Variants in PLCL2 observed in about 807,000 individuals in gnomAD.
PLCL2 encodes inactive phospholipase C-like protein 2.
In PLCL2, 4 loss-of-function variants were observed where a neutral mutation model predicts 79.6. That is an observed-to-expected ratio of 0.05 (90% confidence interval 0.02 to 0.11). The LOEUF (loss-of-function observed/expected upper bound fraction) is 0.11, where lower values mean the gene tolerates loss of function less well. Ranked by LOEUF, PLCL2 falls within the 10% of genes least tolerant of loss-of-function variation. The pLI is 1.00. For missense variants in PLCL2, 895 were observed against 1,291.0 expected (o/e 0.69, Z 4.70); for synonymous variants, 484 against 457.7 (o/e 1.06, Z -0.73).
intron 3 of PLCL2, among the ~76,000 whole-genome samples, chr3:17,036,105 A>G (rs1051347016): frequency 6.6e-6 from 1 of 152,034 alleles, no homozygotes; most frequent in African/African-American, 2.4e-5. Flanking sequence ...GGAAGGGAGG[A>G]CGACCACAGC....
intron 1 of PLCL2, among the ~76,000 whole-genome samples, chr3:16,978,134 A>C (rs913316123): frequency 6.6e-6 from 1 of 152,210 alleles, no homozygotes; most frequent in Admixed American, 6.5e-5. Flanking sequence ...AATACATATA[A>C]TTTTGGGCTG....
chr3:16,972,404 A>T (rs898472976), intron 1 of PLCL2, among the ~76,000 whole-genome samples: 7 of 152,118 alleles, frequency 4.6e-5, no homozygotes, highest in African/African-American at 1.7e-4. Context: ...AGTTTGTTTC[A>T]TGGCTGATTT....
At chr3:16,911,688 C>T (rs1421355011) in intron 1 of PLCL2, among the ~76,000 whole-genome samples, 1 of 152,192 alleles carries the variant, frequency 6.6e-6, no homozygotes, top group Non-Finnish European at 1.5e-5. Context: ...CCTGAACTGT[C>T]TCTAGTTATT....
intron 5 of PLCL2, among the ~76,000 whole-genome samples, chr3:17,072,259 A>G (rs1012536962): frequency 1.3e-5 from 2 of 152,170 alleles, no homozygotes; most frequent in Non-Finnish European, 2.9e-5. Context: ...TTCCCAAAAG[A>G]TCCCTTTGAG....
chr3:17,004,410 G>A (rs190733020), intron 1 of PLCL2, among the ~76,000 whole-genome samples: 11 of 152,206 alleles, frequency 7.2e-5, no homozygotes, highest in African/African-American at 1.9e-4. Flanking sequence ...GAAGAGGAGC[G>A]CCCATGGAGG....
chr3:17,057,362 T>C (rs567788272), intron 4 of PLCL2, among the ~76,000 whole-genome samples: 52 of 152,292 alleles, frequency 3.4e-4, no homozygotes, highest in African/African-American at 1.2e-3. Context: ...TTACAAGCAG[T>C]GAGGTCACTA....
intron 1 of PLCL2, among the ~76,000 whole-genome samples, chr3:16,945,239 TACACACACAC>T (rs10542881): frequency 6.7e-6 from 1 of 150,320 alleles, no homozygotes; most frequent in Non-Finnish European, 1.5e-5. Context: ...CACAAACACA[TACACACACAC>T]ACACACACAC....
At chr3:16,926,243 A>G (rs961183602) in intron 1 of PLCL2, among the ~76,000 whole-genome samples, 1 of 152,258 alleles carries the variant, frequency 6.6e-6, no homozygotes, top group African/African-American at 2.4e-5. Context: ...CAAACAAAAA[A>G]AGCCCATTAT....
chr3:16,942,186 A>G (rs1435582741), intron 1 of PLCL2, among the ~76,000 whole-genome samples: 1 of 152,242 alleles, frequency 6.6e-6, no homozygotes, highest in Non-Finnish European at 1.5e-5. Context: ...GTGGACCAAT[A>G]GAACCCTATG....
intron 1 of PLCL2, among the ~76,000 whole-genome samples, chr3:16,902,881 T>TGTGTGTGTGTGTGTGTGTGTGC (rs1272936432): frequency 6.7e-5 from 9 of 133,900 alleles, no homozygotes; most frequent in African/African-American, 2.2e-4. Context: ...TGTGTGTGTG[T>TGTGTGTGTGTGTGTGTGTGTGC]GNGCGCATGT....
At chr3:16,950,085 C>T (rs1377383780) in intron 1 of PLCL2, among the ~76,000 whole-genome samples, 1 of 152,118 alleles carries the variant, frequency 6.6e-6, no homozygotes, top group Non-Finnish European at 1.5e-5. Flanking sequence ...TAGGACAAGA[C>T]CTTTGCTCTT....
chr3:17,053,102 C>T (rs2064858792), intron 4 of PLCL2, among the ~76,000 whole-genome samples: 1 of 152,110 alleles, frequency 6.6e-6, no homozygotes, highest in African/African-American at 2.4e-5. Context: ...TTGTATTAGT[C>T]TGTTCTCGTA....
chr3:17,027,930 A>C (rs1302482892), intron 3 of PLCL2, among the ~76,000 whole-genome samples: 1 of 152,250 alleles, frequency 6.6e-6, no homozygotes, highest in Non-Finnish European at 1.5e-5. Flanking sequence ...ATGCTACGTC[A>C]GTGGGAAGTG....
intron 3 of PLCL2, among the ~76,000 whole-genome samples, chr3:17,023,845 G>A (rs2064482369): frequency 6.6e-6 from 1 of 152,130 alleles, no homozygotes; most frequent in Non-Finnish European, 1.5e-5. Flanking sequence ...TCCAAGCTCT[G>A]AAACTTGTCC....
At chr3:17,006,812 G>C (rs2064265228) in intron 1 of PLCL2, among the ~76,000 whole-genome samples, 1 of 152,200 alleles carries the variant, frequency 6.6e-6, no homozygotes, top group Non-Finnish European at 1.5e-5. Context: ...GCTGCTGCCT[G>C]TTCCACATAC....
At chr3:16,912,296 T>TA in intron 1 of PLCL2, among the ~76,000 whole-genome samples, 1 of 152,214 alleles carries the variant, frequency 6.6e-6, no homozygotes, top group East Asian at 1.9e-4. Flanking sequence ...GATTGGTCTT[T>TA]AACCTTAGAA....
intron 1 of PLCL2, among the ~76,000 whole-genome samples, chr3:16,912,914 G>A (rs1234996396): frequency 6.6e-6 from 1 of 152,132 alleles, no homozygotes; most frequent in Admixed American, 6.5e-5. Context: ...CATTGTTTCT[G>A]ATGCTGGTAC....
chr3:16,981,089 C>G (rs1282779137), intron 1 of PLCL2, among the ~76,000 whole-genome samples: 2 of 152,154 alleles, frequency 1.3e-5, no homozygotes, highest in Non-Finnish European at 2.9e-5. Context: ...GGCAGCAGTA[C>G]CGTCCAGCTT....
intron 1 of PLCL2, among the ~76,000 whole-genome samples, chr3:16,904,123 T>C (rs896106134): frequency 1.3e-5 from 2 of 152,172 alleles, no homozygotes; most frequent in Non-Finnish European, 2.9e-5. Context: ...CTTTGCTGTT[T>C]TGGTGAAAAA....
Sources: allele counts gnomAD v4.1 joint callset (sites outside exome capture counted in the v4.1 genomes callset), GRCh38; gene constraint gnomAD v4.1.1; transcripts MANE v1.5; gene names NCBI Gene and HGNC (gene_info 2026-07-23, HGNC 2026-07-21).